The following DGCR2 variants were observed in gnomAD, a reference collection of about 807,000 sequenced individuals.
DGCR2 encodes the protein integral membrane protein DGCR2/IDD.
DGCR2 carries 24 observed loss-of-function variants against 51.6 expected under a neutral mutation model. The ratio of observed to expected loss-of-function variants is 0.47; its 90% CI spans 0.34 to 0.65. The LOEUF (loss-of-function observed/expected upper bound fraction) is 0.65. DGCR2 is among the 30% of genes least tolerant of loss of function. DGCR2 has a pLI of 0.01. For missense variants in DGCR2, 765 were observed against 772.1 expected (o/e 0.99, Z 0.11); for synonymous variants, 340 against 315.4 (o/e 1.08, Z -0.82).
At chr22:19,076,207 C>T (rs9605929) in intron 2 of DGCR2, among the ~76,000 whole-genome samples, 21 of 152,304 alleles carry the variant, frequency 1.4e-4, no homozygotes, top group Admixed American at 1.2e-3. Flanking sequence ...GTCACCCAGA[C>T]TGGAGTGCAG....
Position 19,038,776 on chromosome 22 carries a change from G to T in DGCR2, c.*89C>A. ...TGCGGCAGTGCGTGGCGTCCAGGCT[G>T]GGACAGGGGCCTTTCAAGTCTCCCC... On this transcript the variant is annotated 3_prime_UTR_variant, in exon 10 of 10. Coordinates refer to ENST00000263196, the MANE Select transcript of DGCR2 (RefSeq NM_005137.3). 1 of 1,526,896 alleles carries T rather than the reference G, an allele frequency of 6.5e-7. No individual in the cohort carries two copies. Among genetic ancestry groups the T allele is most frequent in the Admixed American group, 1.9e-5 (1 of 52,734 alleles). 94.6% of individuals were successfully genotyped at this position (1,526,896 alleles called of 1,614,324 possible). A position where few individuals can be genotyped will look rare whatever the true frequency, so the allele number is the denominator to read the frequency against.
chr22:19,093,643 G>C (rs1019193354), intron 1 of DGCR2, among the ~76,000 whole-genome samples: 2 of 152,178 alleles, frequency 1.3e-5, no homozygotes, highest in Non-Finnish European at 2.9e-5. Context: ...TAAAGGGCTT[G>C]CTTGTAACCA....
chr22:19,109,219 G>A (rs2083290205), intron 1 of DGCR2, among the ~76,000 whole-genome samples: 1 of 152,128 alleles, frequency 6.6e-6, no homozygotes, highest in African/African-American at 2.4e-5. Context: ...CAGTCACTAT[G>A]GAAGACAGCA....
At chr22:19,062,775 G>GCTCTCGCTCTCTCT (rs1491258740) in intron 5 of DGCR2, among the ~76,000 whole-genome samples, 4 of 108,860 alleles carry the variant, frequency 3.7e-5, no homozygotes, top group Non-Finnish European at 5.8e-5. Context: ...ACACATGCAT[G>GCTCTCGCTCTCTCT]CTCACTCTCT....
At chr22:19,087,566 T>C (rs2083031196) in intron 2 of DGCR2, among the ~76,000 whole-genome samples, 1 of 152,044 alleles carries the variant, frequency 6.6e-6, no homozygotes, top group Non-Finnish European at 1.5e-5. Flanking sequence ...TTAGTAGAGA[T>C]GAGATTTCAC....
chr22:19,062,768 CAT>C (rs1395002219), intron 5 of DGCR2, among the ~76,000 whole-genome samples: 1 of 144,600 alleles, frequency 6.9e-6, no homozygotes, highest in East Asian at 2.1e-4. Context: ...CACACACACA[CAT>C]GCATGCTCAC....
intron 7 of DGCR2, 73 bp downstream of exon 7, chr22:19,048,367 G>A: frequency 1.3e-6 from 2 of 1,541,340 alleles, no homozygotes; most frequent in Non-Finnish European, 1.8e-6. Context: ...TCACCACTGA[G>A]GAAGCAAAGG....
chr22:19,062,352 G>A (rs1361458009), intron 5 of DGCR2, among the ~76,000 whole-genome samples: 5 of 152,120 alleles, frequency 3.3e-5, no homozygotes, highest in Admixed American at 1.3e-4. Flanking sequence ...GCATGGCCCC[G>A]CCTCTGTGGG....
chr22:19,069,499 C>T lies in DGCR2; in HGVS notation c.203-1274G>A, dbSNP rs189899557. Among the ~76,000 whole-genome samples, 240 of 152,206 alleles carry T rather than the reference C, an allele frequency of 1.6e-3. 3 individuals carry two copies. Among genetic ancestry groups the T allele is most frequent in the African/African-American group, 5.6e-3 (232 of 41,516 alleles). On this transcript the variant is annotated intron_variant, in intron 2 of 9. Transcript: ENST00000263196. ...ATATTTAACTATGCGAGCATCTGCC[C>T]CCTCACCAAGTCTCTTTTCTACACA...
At chr22:19,090,545 T>C (rs1030364332) in intron 1 of DGCR2, among the ~76,000 whole-genome samples, 2 of 152,232 alleles carry the variant, frequency 1.3e-5, no homozygotes, top group Non-Finnish European at 2.9e-5. Context: ...AAAAAGCTGT[T>C]GACCTACAAT....
chr22:19,070,053 A>G (rs2082796699), intron 2 of DGCR2, among the ~76,000 whole-genome samples: 2 of 152,166 alleles, frequency 1.3e-5, no homozygotes, highest in African/African-American at 4.8e-5. Context: ...TGGCACCACG[A>G]CAGGCCTGAT....
rs1364282954 is a variant in DGCR2 at position 19,041,835 on chromosome 22, C to T, written c.1131G>A (p.Glu377=). The T allele has an allele frequency of 1.9e-6, 3 of 1,612,664 alleles. No individual in the cohort carries two copies. The highest frequency in any genetic ancestry group is 1.3e-5 in the African/African-American group (1 of 74,908). ...MVHRLRQRRR[E]RIESLIGANL... ...TTGCTCCAATCAGGGACTCGATGCG[C>T]TCCCGGCGCCGCTGGCGCAGCCGGT... Residue 377 remains glutamate, a synonymous_variant, in exon 8 of 10, where the codon GAG becomes GAA. Coordinates refer to ENST00000263196, the MANE Select transcript of DGCR2 (RefSeq NM_005137.3).
intron 6 of DGCR2, chr22:19,056,566 AAC>A (rs1555902462): frequency 3.0e-6 from 1 of 333,208 alleles, no homozygotes; most frequent in African/African-American, 2.3e-5. Flanking sequence ...AAAAAAAAAA[AAC>A]ACACACACCA....
At chr22:19,120,059 T>C (rs968968380) in intron 1 of DGCR2, among the ~76,000 whole-genome samples, 2 of 151,980 alleles carry the variant, frequency 1.3e-5, no homozygotes, top group East Asian at 3.9e-4. Context: ...GAAGGACACA[T>C]GGTGAATGTG....
intron 1 of DGCR2, among the ~76,000 whole-genome samples, chr22:19,090,140 T>C (rs552751183): frequency 2.0e-5 from 3 of 152,236 alleles, no homozygotes; most frequent in South Asian, 2.1e-4. Context: ...CTTGAAGATA[T>C]AATAATAGAA....
At chr22:19,071,501 T>C (rs2082814773) in intron 2 of DGCR2, among the ~76,000 whole-genome samples, 1 of 151,704 alleles carries the variant, frequency 6.6e-6, no homozygotes. Flanking sequence ...AAGTCTCACC[T>C]GAAGCTAATC....
intron 1 of DGCR2, among the ~76,000 whole-genome samples, chr22:19,103,358 G>A (rs1184255670): frequency 6.9e-6 from 1 of 144,066 alleles, no homozygotes; most frequent in African/African-American, 2.5e-5. Flanking sequence ...TAATGCCACT[G>A]AATTGTGTAC....
At chr22:19,119,171 C>G (rs1487835518) in intron 1 of DGCR2, among the ~76,000 whole-genome samples, 1 of 152,146 alleles carries the variant, frequency 6.6e-6, no homozygotes, top group Non-Finnish European at 1.5e-5. Context: ...CTGTTCAGAG[C>G]ATAATATGAG....
chr22:19,109,937 G>A (rs1247979264), intron 1 of DGCR2, among the ~76,000 whole-genome samples: 2 of 152,232 alleles, frequency 1.3e-5, no homozygotes, highest in Non-Finnish European at 2.9e-5. Context: ...TCTAAAAGGA[G>A]ACTGAGCCTA....
Sources: allele counts gnomAD v4.1 joint callset (sites outside exome capture counted in the v4.1 genomes callset), GRCh38; gene constraint gnomAD v4.1.1; transcripts MANE v1.5; gene names NCBI Gene and HGNC (gene_info 2026-07-23, HGNC 2026-07-21).